COBL: variants seen among roughly 807,000 people sequenced by gnomAD.
The protein encoded by COBL is protein cordon-bleu.
A neutral mutation model predicts 98.8 loss-of-function variants in COBL; 51 were observed. The ratio of observed to expected loss-of-function variants is 0.52; its 90% CI spans 0.41 to 0.65. COBL has a LOEUF of 0.65. Among genes scored for constraint, COBL ranks in the 30% least tolerant of loss-of-function variants. The pLI, the probability that COBL is intolerant of heterozygous loss-of-function variation, is 0.00. For synonymous variants in COBL, 634 were observed against 651.7 expected (o/e 0.97, Z 0.41); for missense variants, 1,617 against 1,617.5 (o/e 1.00, Z 0.01).
intron 7 of COBL, among the ~76,000 whole-genome samples, chr7:51,052,094 A>G (rs1370266360): frequency 6.6e-6 from 1 of 152,150 alleles, no homozygotes; most frequent in Non-Finnish European, 1.5e-5. Flanking sequence ...CAGTGTTCAA[A>G]TGGATAATAT....
chr7:51,157,794 T>G (rs1052238265), intron 5 of COBL, among the ~76,000 whole-genome samples: 6 of 152,202 alleles, frequency 3.9e-5, no homozygotes, highest in Non-Finnish European at 7.3e-5. Flanking sequence ...AACGGTAGAC[T>G]TTAAATGTTA....
intron 1 of COBL, among the ~76,000 whole-genome samples, chr7:51,226,544 G>A (rs988416254): frequency 6.6e-6 from 1 of 151,632 alleles, no homozygotes; most frequent in African/African-American, 2.4e-5. Context: ...GTGAGTGAGT[G>A]AGTAAGTGAG....
chr7:51,285,947 A>G (rs562765997), intron 1 of COBL, among the ~76,000 whole-genome samples: 2 of 152,186 alleles, frequency 1.3e-5, no homozygotes, highest in Non-Finnish European at 2.9e-5. Context: ...AAATATATTC[A>G]AGTGATTTTT....
chr7:51,155,371 C>T (rs1315106584), intron 5 of COBL, among the ~76,000 whole-genome samples: 2 of 151,808 alleles, frequency 1.3e-5, no homozygotes, highest in Admixed American at 1.3e-4. Flanking sequence ...GGGTGAATCA[C>T]GAGGTCAGGG....
In COBL at chr7:51,217,727, G is replaced by A. The variant is rs899764010; in HGVS notation, c.245+2014C>T. Among the ~76,000 whole-genome samples the A allele has an allele frequency of 4.6e-5, 7 of 152,140 alleles. No homozygotes were observed. The East Asian group carries it at 1.3e-3, about 29-fold the overall frequency. ...GCGAGTAAACCCTAATATACCCACT[G>A]AGAAAATTTCATGCATATACTAAAG... On this transcript the variant is annotated intron_variant, in intron 2 of 12. Coordinates refer to ENST00000265136, the MANE Select transcript of COBL (RefSeq NM_015198.5).
At chr7:51,054,390 G>C (rs1790523158) in intron 7 of COBL, among the ~76,000 whole-genome samples, 1 of 152,156 alleles carries the variant, frequency 6.6e-6, no homozygotes, top group South Asian at 2.1e-4. Flanking sequence ...TTGCTGTGCA[G>C]GCCTCTTCAC....
intron 6 of COBL, among the ~76,000 whole-genome samples, chr7:51,105,898 C>T (rs987241751): frequency 1.3e-5 from 2 of 152,094 alleles, no homozygotes; most frequent in Non-Finnish European, 2.9e-5. Flanking sequence ...CCTGATCTTA[C>T]AGGAATAATT....
chr7:51,065,993 G>A (rs1003187812), intron 7 of COBL, among the ~76,000 whole-genome samples: 8 of 152,238 alleles, frequency 5.3e-5, no homozygotes, highest in South Asian at 2.1e-4. Flanking sequence ...CTTTGATCTC[G>A]GACTTCCAGC....
intron 1 of COBL, among the ~76,000 whole-genome samples, chr7:51,290,563 A>C (rs914641519): frequency 3.9e-5 from 6 of 152,168 alleles, no homozygotes; most frequent in Non-Finnish European, 8.8e-5. Flanking sequence ...TGCGTGAAAG[A>C]TGTGTGCTAT....
intron 2 of COBL, among the ~76,000 whole-genome samples, chr7:51,207,986 A>G (rs1013607553): frequency 1.4e-5 from 2 of 141,196 alleles, no homozygotes; most frequent in African/African-American, 5.4e-5. Flanking sequence ...GGAAGTGAGG[A>G]GAGCCTCTTC....
At chr7:51,074,063 A>G (rs1477542080) in intron 7 of COBL, among the ~76,000 whole-genome samples, 1 of 152,160 alleles carries the variant, frequency 6.6e-6, no homozygotes, top group Non-Finnish European at 1.5e-5. Context: ...AAAATAAAGA[A>G]GGGCCATGCC....
At chr7:51,074,169 T>A (rs886790463) in intron 7 of COBL, among the ~76,000 whole-genome samples, 1 of 150,846 alleles carries the variant, frequency 6.6e-6, no homozygotes, top group African/African-American at 2.4e-5. Flanking sequence ...ATTTACTTCT[T>A]AACTAGTAAA....
intron 1 of COBL, among the ~76,000 whole-genome samples, chr7:51,271,071 G>C (rs990165993): frequency 2.6e-5 from 4 of 152,174 alleles, no homozygotes; most frequent in African/African-American, 9.7e-5. Context: ...GGAATGCTTG[G>C]GACAGGCCGC....
At chr7:51,184,075 A>C in intron 5 of COBL, 27 bp downstream of exon 5, 1 of 1,172,258 alleles carries the variant, frequency 8.5e-7, no homozygotes, top group Non-Finnish European at 1.2e-6. Context: ...ACATGATACA[A>C]AATCATATGT....
rs1248294254 is a variant in COBL at position 51,288,814 on chromosome 7, TTC to T, written c.41+27777_41+27778del. ...ATACAAATGGGAAATAAGAACTGAA[TTC>T]AAATACTAGTCTTCAAGATGGATAT... is the stretch of plus-strand genomic sequence containing the variant. On this transcript the variant is annotated intron_variant, in intron 1 of 12. Transcript: ENST00000265136. Among the ~76,000 whole-genome samples, 142 of 118,694 alleles carry T rather than the reference TTC, an allele frequency of 1.2e-3. 1 individual carries two copies. In the East Asian group the frequency reaches 0.02, roughly 17 times the overall value. 77.9% of individuals were successfully genotyped at this position (118,694 alleles called of 152,430 possible).
intron 5 of COBL, among the ~76,000 whole-genome samples, chr7:51,141,675 G>C (rs553460404): frequency 1.3e-5 from 2 of 151,728 alleles, no homozygotes; most frequent in South Asian, 4.2e-4. Flanking sequence ...AATCGAGTGG[G>C]AGGGAAGATT....
At chr7:51,216,117 C>T (rs1489711197) in intron 2 of COBL, among the ~76,000 whole-genome samples, 1 of 152,234 alleles carries the variant, frequency 6.6e-6, no homozygotes, top group Non-Finnish European at 1.5e-5. Flanking sequence ...AAGGCACTGA[C>T]CATATCATAA....
intron 2 of COBL, among the ~76,000 whole-genome samples, chr7:51,203,578 C>T (rs889675741): frequency 1.4e-5 from 2 of 147,748 alleles, no homozygotes; most frequent in Non-Finnish European, 3.0e-5. Flanking sequence ...AAAAAGATCA[C>T]TAGGCAGTAT....
chr7:51,098,229 T>TTTTTTTTTTTTTTTTTTTTTTTTTTTC (rs1795488238), intron 6 of COBL, among the ~76,000 whole-genome samples: 1 of 146,228 alleles, frequency 6.8e-6, no homozygotes, highest in South Asian at 2.1e-4. Flanking sequence ...AGTTTCTTTT[T>TTTTTTTTTTTTTTTTTTTTTTTTTTTC]TTTTTTTGGA....
Sources: gnomAD v4.1 joint callset for allele counts (sites outside exome capture counted in the v4.1 genomes callset) on GRCh38, gnomAD v4.1.1 for gene constraint, MANE v1.5 for transcripts, NCBI Gene and HGNC (gene_info 2026-07-23, HGNC 2026-07-21) for gene names.